Variants in CNGB1 observed in about 807,000 individuals in gnomAD.
The protein encoded by CNGB1 is cyclic nucleotide gated channel subunit beta 1.
Under a neutral mutation model 151.7 loss-of-function variants are expected in CNGB1, and 126 were observed. That is an observed-to-expected ratio of 0.83 (90% CI 0.72 to 0.96). The LOEUF (loss-of-function observed/expected upper bound fraction) is 0.96. Ranked by LOEUF, CNGB1 falls within the 40% of genes least tolerant of loss-of-function variation. CNGB1 has a pLI of 0.00. For synonymous variants in CNGB1, 623 were observed against 635.1 expected, an observed-to-expected ratio of 0.98 and a Z score of 0.29; for missense variants, 1,698 against 1,627.0, an observed-to-expected ratio of 1.04 and a Z score of -0.75.
chr16:57,969,164 G>A (rs1348183980), intron 1 of CNGB1, among the ~76,000 whole-genome samples: 1 of 151,970 alleles, frequency 6.6e-6, no homozygotes, highest in African/African-American at 2.4e-5. Flanking sequence ...AAATTAGCTG[G>A]GTGTGGTGGT....
rs1028371920 is a variant in CNGB1 at position 57,915,269 on chromosome 16, G to A, written c.2284C>T (p.Arg762Cys). The change falls in exon 23 of 33, where the codon CGC becomes TGC. Residue 762 changes from arginine to cysteine, a missense_variant. Physicochemically the swap from Arg to Cys is radical, Grantham distance 180 (BLOSUM62 -3). Transcript: ENST00000251102. ...YLKVGVNPLLRLPRCLKYMAF... is the reference protein window; with the variant it reads ...YLKVGVNPLLCLPRCLKYMAF... ...CCTACCTTTAAACAGCGGGGCAGGCGGAGGAGGGGGTTCACACCGACTTTC... is the reference window on the plus strand; with the variant it reads ...CCTACCTTTAAACAGCGGGGCAGGCAGAGGAGGGGGTTCACACCGACTTTC... The A allele has an allele frequency of 1.5e-5, 24 of 1,613,824 alleles. No individual in the cohort carries two copies. Among genetic ancestry groups the A allele is most frequent in the Middle Eastern group, 1.6e-4 (1 of 6,082 alleles).
chr16:57,904,653 A>G (rs1294428968), intron 26 of CNGB1, 81 bp downstream of exon 26: 15 of 1,594,160 alleles, frequency 9.4e-6, no homozygotes, highest in Admixed American at 5.0e-5. Context: ...AGCAACGGGC[A>G]CAGAGGGTGA....
At chr16:57,903,670 C>A in intron 27 of CNGB1, 152 bp downstream of exon 27, 1 of 1,005,566 alleles carries the variant, frequency 9.9e-7, no homozygotes, top group Non-Finnish European at 1.5e-6. Flanking sequence ...GCACCTCTCA[C>A]ACCAATGTTG....
chr16:57,946,899 A>T (rs1171105112), intron 14 of CNGB1, among the ~76,000 whole-genome samples: 1 of 152,184 alleles, frequency 6.6e-6, no homozygotes, highest in African/African-American at 2.4e-5. Context: ...TTGTATGAAG[A>T]TGTTCACGCC....
At chr16:57,962,023 G>C (rs1047192431) in intron 7 of CNGB1, among the ~76,000 whole-genome samples, 2 of 152,188 alleles carry the variant, frequency 1.3e-5, no homozygotes, top group Admixed American at 6.5e-5. Flanking sequence ...AAACCTGGAG[G>C]ATCTGGCCAC....
At position 57,903,980 on chromosome 16, in the gene CNGB1, A is replaced by G. The variant is rs761347985; in HGVS notation, c.2636T>C (p.Met879Thr). Residue 879 changes from methionine to threonine, a missense_variant and splice_region_variant, in exon 27 of 33, where the codon ATG (methionine) becomes ACG (threonine). Transcript: ENST00000251102. Reference protein sequence around the residue: ...VFAFSVMIGQMRDVVGAATAG... With the variant: ...VFAFSVMIGQTRDVVGAATAG... ...GGTGGCGGCCCCTACCACATCTCTC[A>G]TCTGGGGGAAGGGTTATGGGAGGTC... The G allele has an allele frequency of 6.2e-7, 1 of 1,613,216 alleles. No homozygotes were observed. Among genetic ancestry groups the G allele is most frequent in the Non-Finnish European group, 8.5e-7 (1 of 1,179,696 alleles).
At chr16:57,920,990 C>A (rs1320213234) in intron 18 of CNGB1, among the ~76,000 whole-genome samples, 1 of 152,146 alleles carries the variant, frequency 6.6e-6, no homozygotes, top group African/African-American at 2.4e-5. Context: ...AAAAGCAGTG[C>A]AGATACATTC....
chr16:57,912,484 G>A (rs918075734), intron 24 of CNGB1, among the ~76,000 whole-genome samples: 11 of 152,202 alleles, frequency 7.2e-5, no homozygotes, highest in Non-Finnish European at 1.6e-4. Context: ...GGACCAGGAA[G>A]ATGCCTGGCT....
At chr16:57,960,439 T>C (rs774181615) in intron 9 of CNGB1, 43 bp downstream of exon 9, 2 of 1,605,492 alleles carry the variant, frequency 1.2e-6, no homozygotes, top group Non-Finnish European at 1.7e-6. Context: ...GCCCAGCCCG[T>C]GACCATCCCA....
At chr16:57,920,796 A>G (rs1447254120) in intron 18 of CNGB1, among the ~76,000 whole-genome samples, 1 of 152,190 alleles carries the variant, frequency 6.6e-6, no homozygotes, top group Non-Finnish European at 1.5e-5. Flanking sequence ...TCTGATTCAG[A>G]TGGGCAGTTC....
At chr16:57,955,128 C>G (rs1462781833) in intron 12 of CNGB1, 1 of 1,445,810 alleles carries the variant, frequency 6.9e-7, no homozygotes, top group Non-Finnish European at 9.1e-7. Flanking sequence ...GCTGGCCTTC[C>G]CCTTGTTCTG....
rs565111137 is a variant in CNGB1 at position 57,895,264 on chromosome 16, G to A, written c.3242+2133C>T. 2.0e-5 allele frequency among the ~76,000 whole-genome samples: 3 copies of A among 152,256 alleles called. No individual in the cohort carries two copies. The East Asian group carries it at 5.8e-4, about 29-fold the overall frequency. ...AGTTTGAGACCAGTCTAGCCAACAT[G>A]GTGAAACCCCATCTCTGCTGAAAAT... On this transcript the variant is annotated intron_variant, in intron 31 of 32. Transcript: ENST00000251102.
intron 20 of CNGB1, 69 bp from the exon 21 acceptor site, chr16:57,917,545 A>G (rs2149364946): frequency 2.0e-6 from 3 of 1,514,762 alleles, no homozygotes; most frequent in South Asian, 2.2e-5. Context: ...TGGATCAGGT[A>G]GGGTTTTGTT....
chr16:57,915,417 C>A, intron 22 of CNGB1, 82 bp from the exon 23 acceptor site: 1 of 1,093,012 alleles, frequency 9.1e-7, no homozygotes, highest in Non-Finnish European at 1.4e-6. Context: ...CGGAGTCTCT[C>A]CCTTCCATGG....
chr16:57,923,398 T>C lies in CNGB1; in HGVS notation c.1536-18A>G. On this transcript the variant is annotated intron_variant, in intron 17 of 32. Transcript: ENST00000251102. ...GCTTCTTCCTGCAAAGACACAGATG[T>C]GGAAGGGGCCTTCAGCAAAGGCAGA... The C allele has an allele frequency of 6.2e-7, 1 of 1,601,580 alleles. No individual in the cohort carries two copies. The highest frequency in any genetic ancestry group is 8.5e-7 in the Non-Finnish European group (1 of 1,170,058).
chr16:57,882,621 T>C lies in CNGB1; in HGVS notation c.*1543A>G, dbSNP rs933332445. ...TTTTATATAAAATGGGCAGGACCTA[T>C]TGGAATTCCAGGTCCTTTATGTTCA... On this transcript the variant is annotated 3_prime_UTR_variant, in exon 33 of 33. Coordinates refer to ENST00000251102, the MANE Select transcript of CNGB1 (RefSeq NM_001297.5). 2.0e-5 allele frequency: 3 copies of C among 152,170 alleles called. No homozygotes were observed. The highest frequency in any genetic ancestry group is 4.8e-5 in the African/African-American group (2 of 41,440). 9.4% of individuals were successfully genotyped at this position (152,170 alleles called of 1,614,324 possible). A position where few individuals can be genotyped will look rare whatever the true frequency, so the allele number is the denominator to read the frequency against.
At chr16:57,940,867 C>T (rs1267933951) in intron 14 of CNGB1, among the ~76,000 whole-genome samples, 1 of 152,068 alleles carries the variant, frequency 6.6e-6, no homozygotes. Flanking sequence ...AGAGCCACTG[C>T]AACTGCTGAA....
At position 57,949,406 on chromosome 16, in the gene CNGB1, ATCT is replaced by A. The variant is rs748895486; in HGVS notation, c.1065_1067del (p.Glu355del). On this transcript the variant is annotated inframe_deletion, in exon 14 of 33. Coordinates refer to ENST00000251102, the MANE Select transcript of CNGB1 (RefSeq NM_001297.5). ...CCTCCTCTTCCTCTTCCTCCTCCTC[ATCT>A]TCTTTCTCCTCTTCAATCCGGGACA... 3.7e-6 allele frequency: 6 copies of A among 1,612,222 alleles called. No individual in the cohort carries two copies. In the Admixed American group the frequency reaches 6.7e-5, roughly 18 times the overall value.
intron 31 of CNGB1, among the ~76,000 whole-genome samples, chr16:57,888,839 A>C (rs1461091138): frequency 7.2e-5 from 11 of 152,138 alleles, no homozygotes; most frequent in African/African-American, 2.7e-4. Context: ...CCCAGGTGGA[A>C]AAGGAACCAA....
Sources: allele counts gnomAD v4.1 joint callset (sites outside exome capture counted in the v4.1 genomes callset), GRCh38; gene constraint gnomAD v4.1.1; transcripts MANE v1.5; gene names NCBI Gene and HGNC (gene_info 2026-07-23, HGNC 2026-07-21).